SLC24A2: variants seen among roughly 807,000 people sequenced by gnomAD.
The protein encoded by SLC24A2 is sodium/potassium/calcium exchanger 2.
SLC24A2 carries 36 observed loss-of-function variants against 62.0 expected under a neutral mutation model. The observed-to-expected ratio is 0.58, with a 90% CI of 0.44 to 0.77. The LOEUF (loss-of-function observed/expected upper bound fraction) is 0.77. Among genes scored for constraint, SLC24A2 ranks in the 30% least tolerant of loss-of-function variants. SLC24A2 has a pLI of 0.00. For synonymous variants in SLC24A2, 358 were observed against 294.0 expected (o/e 1.22, Z -2.23); for missense variants, 846 against 817.9 (o/e 1.03, Z -0.42).
chr9:19,977,544 T>C, the SLC24A2 span, among the ~76,000 whole-genome samples: 2 of 152,144 alleles, frequency 1.3e-5, no homozygotes. Flanking sequence ...GTTCCTTGTA[T>C]AGAGAATAGT....
intron 2 of SLC24A2, among the ~76,000 whole-genome samples, chr9:19,754,462 A>T (rs1015389588): frequency 6.6e-6 from 1 of 152,118 alleles, no homozygotes; most frequent in African/African-American, 2.4e-5. Flanking sequence ...TGTCTATTCC[A>T]CTTTCCTTCT....
the SLC24A2 span, among the ~76,000 whole-genome samples, chr9:20,270,070 T>A: frequency 6.6e-6 from 1 of 152,188 alleles, no homozygotes; most frequent in South Asian, 2.1e-4. Flanking sequence ...ATCTTGGCTT[T>A]ATAATGACCT....
chr9:20,106,873 A>T, the SLC24A2 span, among the ~76,000 whole-genome samples: 8 of 152,148 alleles, frequency 5.3e-5, no homozygotes, highest in Admixed American at 5.2e-4. Flanking sequence ...AGAAGGAAAT[A>T]AAGGGTATTC....
Position 19,739,374 on chromosome 9 carries a change from G to A in SLC24A2, c.930+46563C>T, listed in dbSNP as rs571534610. Reference sequence around the variant, plus strand: ...TAAAATTTATTTGAAAATTTAAAAGGCCAAAAAGAATCAAGAAAGTTCTGA... The same window carrying A: ...TAAAATTTATTTGAAAATTTAAAAGACCAAAAAGAATCAAGAAAGTTCTGA... On this transcript the variant is annotated intron_variant, in intron 2 of 10. Coordinates refer to ENST00000341998, the MANE Select transcript of SLC24A2 (RefSeq NM_020344.4). 2.6e-5 allele frequency among the ~76,000 whole-genome samples: 4 copies of A among 152,166 alleles called. No individual in the cohort carries two copies. The South Asian group carries it at 6.2e-4, about 24-fold the overall frequency.
rs928211281 is a variant in SLC24A2, at chr9:19,512,604, A to T, written c.*3549T>A. On this transcript the variant is annotated 3_prime_UTR_variant, in exon 11 of 11. Coordinates refer to ENST00000341998, the MANE Select transcript of SLC24A2 (RefSeq NM_020344.4). ...TCTCAGATGCAATTTAGGAGTTTCTATTTGGGAATTGTCAGTTTGAGCCAA... is the reference window on the plus strand; with the variant it reads ...TCTCAGATGCAATTTAGGAGTTTCTTTTTGGGAATTGTCAGTTTGAGCCAA... The T allele has an allele frequency of 2.6e-5, 4 of 152,148 alleles. No homozygotes were observed. Among genetic ancestry groups the T allele is most frequent in the African/African-American group, 9.7e-5 (4 of 41,422 alleles). 9.4% of individuals were successfully genotyped at this position (152,148 alleles called of 1,614,324 possible).
the SLC24A2 span, among the ~76,000 whole-genome samples, chr9:20,203,003 G>A: frequency 6.6e-6 from 1 of 152,066 alleles, no homozygotes; most frequent in Non-Finnish European, 1.5e-5. Flanking sequence ...TTTCAAGGTT[G>A]GCAAATATTG....
intron 6 of SLC24A2, among the ~76,000 whole-genome samples, chr9:19,574,558 T>C (rs1563976666): frequency 6.6e-6 from 1 of 152,168 alleles, no homozygotes; most frequent in African/African-American, 2.4e-5. Context: ...CTACTACCAC[T>C]AACAACAACA....
At chr9:20,107,379 A>G in the SLC24A2 span, among the ~76,000 whole-genome samples, 1 of 151,526 alleles carries the variant, frequency 6.6e-6, no homozygotes. Flanking sequence ...AAGAGCCCAC[A>G]TTGCCAAGTC....
chr9:19,884,384 G>T, the SLC24A2 span, among the ~76,000 whole-genome samples: 1 of 152,078 alleles, frequency 6.6e-6, no homozygotes, highest in Non-Finnish European at 1.5e-5. Context: ...ACACCATCCT[G>T]GTTCTATATC....
chr9:20,238,524 AAGTTAGTC>A, the SLC24A2 span, among the ~76,000 whole-genome samples: 1 of 152,246 alleles, frequency 6.6e-6, no homozygotes, highest in African/African-American at 2.4e-5. Context: ...ATTAAAAATT[AAGTTAGTC>A]AGAAAATACA....
the SLC24A2 span, among the ~76,000 whole-genome samples, chr9:19,971,431 T>C: frequency 3.9e-5 from 6 of 152,324 alleles, no homozygotes; most frequent in East Asian, 1.2e-3. Context: ...TTACATGTTA[T>C]ATGAAAGCTA....
the SLC24A2 span, among the ~76,000 whole-genome samples, chr9:20,067,726 T>C: frequency 1.3e-5 from 2 of 152,186 alleles, no homozygotes; most frequent in African/African-American, 4.8e-5. Flanking sequence ...ACATTCCTTT[T>C]TATGGCTGCG....
chr9:19,877,168 C>T, the SLC24A2 span, among the ~76,000 whole-genome samples: 2 of 150,876 alleles, frequency 1.3e-5, no homozygotes, highest in Non-Finnish European at 3.0e-5. Flanking sequence ...TTTATTGGGC[C>T]CCAGTGAGGG....
chr9:20,093,824 T>A, the SLC24A2 span, among the ~76,000 whole-genome samples: 1 of 152,186 alleles, frequency 6.6e-6, no homozygotes, highest in Non-Finnish European at 1.5e-5. Context: ...GTGTATAACA[T>A]GATTGTAACA....
intron 2 of SLC24A2, among the ~76,000 whole-genome samples, chr9:19,756,210 T>C (rs769864900): frequency 1.6e-4 from 25 of 152,146 alleles, no homozygotes; most frequent in Non-Finnish European, 3.4e-4. Flanking sequence ...AGATTTTACC[T>C]CCAAATGCCC....
the SLC24A2 span, among the ~76,000 whole-genome samples, chr9:19,920,646 G>T: frequency 2.6e-4 from 40 of 152,300 alleles, no homozygotes; most frequent in African/African-American, 9.6e-4. Context: ...CCGTCTCCCT[G>T]GGCATTGGTT....
upstream of SLC24A2, among the ~76,000 whole-genome samples, chr9:19,790,006 T>C (rs75790296): frequency 0.22 from 33,676 of 151,912 alleles, 3,871 homozygotes; most frequent in East Asian, 0.4. Flanking sequence ...CCTCTGGGCC[T>C]ACTCATCAAT....
chr9:20,152,094 T>C, the SLC24A2 span, among the ~76,000 whole-genome samples: 1 of 151,888 alleles, frequency 6.6e-6, no homozygotes, highest in Non-Finnish European at 1.5e-5. Flanking sequence ...TTAATTCCCT[T>C]CCATTGCTTT....
the SLC24A2 span, among the ~76,000 whole-genome samples, chr9:20,177,335 T>C: frequency 1.3e-5 from 2 of 152,272 alleles, no homozygotes; most frequent in East Asian, 3.9e-4. Context: ...ACTTCGCCTT[T>C]TTTCCTGCCC....
Sources: allele counts gnomAD v4.1 joint callset (sites outside exome capture counted in the v4.1 genomes callset), GRCh38; gene constraint gnomAD v4.1.1; transcripts MANE v1.5; gene names NCBI Gene and HGNC (gene_info 2026-07-23, HGNC 2026-07-21).